Variants in TMEM272 observed in about 807,000 individuals in gnomAD.
The protein encoded by TMEM272 is transmembrane protein 272, also known as long intergenic non-protein coding RNA 282.
Under a neutral mutation model 3.7 loss-of-function variants are expected in TMEM272, and 8 were observed. The ratio of observed to expected loss-of-function variants is 2.17; its 90% CI spans 1.27 to 3.91. The LOEUF (loss-of-function observed/expected upper bound fraction) is 3.91, where lower values mean the gene tolerates loss of function less well. Among genes scored for constraint, TMEM272 ranks in the 30% most tolerant of loss-of-function variants. The probability of loss-of-function intolerance (pLI) is 0.00; values close to 1 mark genes in which losing one functional copy is unlikely to be tolerated. For synonymous variants in TMEM272, 63 were observed against 39.8 expected (o/e 1.58, Z -2.20); for missense variants, 166 against 91.5 (o/e 1.81, Z -3.32).
At chr13:51,860,741 ATATATAT>A in the TMEM272 span, among the ~76,000 whole-genome samples, 1 of 16,134 alleles carries the variant, frequency 6.2e-5, no homozygotes, top group African/African-American at 8.4e-5. Context: ...GTGTGTGTGT[ATATATAT>A]ATATACACAC....
chr13:51,817,722 G>A (rs758139446), intron 4 of TMEM272, among the ~76,000 whole-genome samples: 24 of 152,210 alleles, frequency 1.6e-4, no homozygotes, highest in Middle Eastern at 3.4e-3. Context: ...TGGGGCTGTG[G>A]ACTGAGAGTC....
chr13:51,898,238 TA>T, the TMEM272 span, among the ~76,000 whole-genome samples: 2 of 85,998 alleles, frequency 2.3e-5, no homozygotes, highest in African/African-American at 3.6e-5. Flanking sequence ...AATAAATAAA[TA>T]AAATAAAATA....
the TMEM272 span, among the ~76,000 whole-genome samples, chr13:51,916,682 C>T: frequency 6.6e-6 from 1 of 152,200 alleles, no homozygotes; most frequent in Admixed American, 6.5e-5. Context: ...CAGAGCCCCT[C>T]AGGGTCACCT....
At chr13:51,829,914 A>G (rs569854155) in intron 2 of TMEM272, among the ~76,000 whole-genome samples, 9 of 152,324 alleles carry the variant, frequency 5.9e-5, no homozygotes, top group African/African-American at 2.2e-4. Context: ...TAAAAGTGGG[A>G]AACAAAAGCC....
the TMEM272 span, among the ~76,000 whole-genome samples, chr13:51,923,008 G>A: frequency 1.3e-5 from 2 of 152,328 alleles, no homozygotes; most frequent in Middle Eastern, 3.4e-3. Flanking sequence ...CTGAGGATTC[G>A]GATGAGGATG....
At chr13:51,830,552 C>T (rs1187349070) in intron 2 of TMEM272, among the ~76,000 whole-genome samples, 1 of 152,240 alleles carries the variant, frequency 6.6e-6, no homozygotes, top group Non-Finnish European at 1.5e-5. Context: ...TCTGCATAAT[C>T]TGTGTAGGGC....
At chr13:51,863,022 G>A in the TMEM272 span, among the ~76,000 whole-genome samples, 37 of 152,218 alleles carry the variant, frequency 2.4e-4, 1 homozygote, top group Admixed American at 2.2e-3. Context: ...CAGAGGTGGC[G>A]AGGAACTTTG....
At chr13:51,836,715 A>G (rs1956219462) in intron 2 of TMEM272, among the ~76,000 whole-genome samples, 1 of 152,200 alleles carries the variant, frequency 6.6e-6, no homozygotes, top group Non-Finnish European at 1.5e-5. Context: ...TTTAGTGTCT[A>G]TTGATGATTC....
chr13:51,872,853 C>T, the TMEM272 span, among the ~76,000 whole-genome samples: 4 of 152,138 alleles, frequency 2.6e-5, no homozygotes, highest in Admixed American at 6.5e-5. Flanking sequence ...TATTCTTAGA[C>T]GAATTATCAA....
chr13:51,859,417 C>G, the TMEM272 span, among the ~76,000 whole-genome samples: 13 of 151,844 alleles, frequency 8.6e-5, 1 homozygote, highest in South Asian at 4.2e-4. Flanking sequence ...GAGGCTCTCA[C>G]AAGAAGGAAG....
At chr13:51,920,312 A>G in the TMEM272 span, among the ~76,000 whole-genome samples, 1 of 152,168 alleles carries the variant, frequency 6.6e-6, no homozygotes. Flanking sequence ...CAGAGAAAAG[A>G]TAAGACTTTG....
At chr13:51,924,372 C>A in the TMEM272 span, among the ~76,000 whole-genome samples, 1 of 152,176 alleles carries the variant, frequency 6.6e-6, no homozygotes, top group Admixed American at 6.5e-5. Flanking sequence ...CTGGGCAACA[C>A]AGCCAGACCC....
chr13:51,880,075 G>T, the TMEM272 span, among the ~76,000 whole-genome samples: 1 of 152,204 alleles, frequency 6.6e-6, no homozygotes, highest in Non-Finnish European at 1.5e-5. Context: ...AATAGTTGGG[G>T]GTGGGAGGGG....
intron 4 of TMEM272, among the ~76,000 whole-genome samples, chr13:51,817,520 T>A (rs1166023923): frequency 1.3e-5 from 2 of 152,190 alleles, no homozygotes; most frequent in Admixed American, 6.5e-5. Flanking sequence ...CTAGAGGACC[T>A]TGAAATATAT....
chr13:51,888,060 T>TC, the TMEM272 span, among the ~76,000 whole-genome samples: 1 of 123,442 alleles, frequency 8.1e-6, no homozygotes, highest in Non-Finnish European at 1.8e-5. Context: ...TTTTTTTTTT[T>TC]TGAGACGGAG....
chr13:51,903,614 A>G, the TMEM272 span, among the ~76,000 whole-genome samples: 1 of 152,168 alleles, frequency 6.6e-6, no homozygotes, highest in Non-Finnish European at 1.5e-5. Flanking sequence ...GGAGACCCTG[A>G]GCATCTAATG....
At chr13:51,906,150 G>C in the TMEM272 span, among the ~76,000 whole-genome samples, 1 of 152,186 alleles carries the variant, frequency 6.6e-6, no homozygotes, top group Non-Finnish European at 1.5e-5. Flanking sequence ...GCAGGGCTGG[G>C]CTGTACCTGG....
the TMEM272 span, among the ~76,000 whole-genome samples, chr13:51,915,862 C>G: frequency 6.6e-6 from 1 of 152,158 alleles, no homozygotes; most frequent in Non-Finnish European, 1.5e-5. Flanking sequence ...GTCACGAGGT[C>G]AAGAGATGGA....
chr13:51,871,979 C>T, the TMEM272 span, among the ~76,000 whole-genome samples: 5 of 152,108 alleles, frequency 3.3e-5, no homozygotes, highest in African/African-American at 1.2e-4. Flanking sequence ...GGAGAATAGG[C>T]CTAGAAGTGC....
Sources: allele counts gnomAD v4.1 joint callset (sites outside exome capture counted in the v4.1 genomes callset), GRCh38; gene constraint gnomAD v4.1.1; transcripts MANE v1.5; gene names NCBI Gene and HGNC (gene_info 2026-07-23, HGNC 2026-07-21).